Variants in ALCAM observed in about 807,000 individuals in gnomAD.
ALCAM encodes the protein CD166 antigen.
A neutral mutation model predicts 70.9 loss-of-function variants in ALCAM; 30 were observed. The ratio of observed to expected loss-of-function variants is 0.42; its 90% CI spans 0.32 to 0.57. ALCAM has a LOEUF of 0.57. ALCAM is among the 20% of genes least tolerant of loss of function. The pLI, the probability that ALCAM is intolerant of heterozygous loss-of-function variation, is 0.11. For missense variants in ALCAM, 591 were observed against 695.1 expected, an observed-to-expected ratio of 0.85 and a Z score of 1.68; for synonymous variants, 249 against 242.5, an observed-to-expected ratio of 1.03 and a Z score of -0.25.
intron 1 of ALCAM, among the ~76,000 whole-genome samples, chr3:105,447,281 T>TA (rs928051606): frequency 2.4e-4 from 37 of 151,546 alleles, no homozygotes; most frequent in East Asian, 5.8e-4. Flanking sequence ...TCCTAAATAC[T>TA]AAAAAAAAAT....
chr3:105,374,260 G>A (rs7611954), intron 1 of ALCAM, among the ~76,000 whole-genome samples: 106 of 152,170 alleles, frequency 7.0e-4, no homozygotes, highest in African/African-American at 2.4e-3. Context: ...CTCATTATAA[G>A]AACCTAATTC....
At chr3:105,453,392 G>A (rs572123817) in intron 1 of ALCAM, among the ~76,000 whole-genome samples, 8 of 152,154 alleles carry the variant, frequency 5.3e-5, no homozygotes. Context: ...TAGATGTGTG[G>A]TGTTATTTCT....
intron 1 of ALCAM, among the ~76,000 whole-genome samples, chr3:105,467,296 T>C (rs938141411): frequency 6.6e-6 from 1 of 151,224 alleles, no homozygotes; most frequent in African/African-American, 2.4e-5. Flanking sequence ...TCCTTCAGAA[T>C]GTCAGCCTAC....
intron 6 of ALCAM, among the ~76,000 whole-genome samples, chr3:105,535,975 T>C (rs1184988517): frequency 1.3e-5 from 2 of 152,096 alleles, no homozygotes; most frequent in African/African-American, 4.8e-5. Context: ...AAAAGGTAGT[T>C]TTGCCTTAAA....
chr3:105,435,285 T>A (rs551241220), intron 1 of ALCAM, among the ~76,000 whole-genome samples: 1 of 152,318 alleles, frequency 6.6e-6, no homozygotes, highest in African/African-American at 2.4e-5. Context: ...TGACAAGTCA[T>A]ACAACAAAAA....
intron 1 of ALCAM, among the ~76,000 whole-genome samples, chr3:105,433,498 C>G (rs1350227678): frequency 2.0e-5 from 3 of 152,146 alleles, no homozygotes; most frequent in African/African-American, 7.2e-5. Flanking sequence ...CACTCTCAAA[C>G]AAGCTGATAC....
intron 1 of ALCAM, among the ~76,000 whole-genome samples, chr3:105,477,852 A>G (rs1446645052): frequency 6.6e-6 from 1 of 151,482 alleles, no homozygotes; most frequent in Non-Finnish European, 1.5e-5. Context: ...TCTGCTATTA[A>G]GTTCAAATAT....
chr3:105,471,521 C>T (rs1241186286), intron 1 of ALCAM, among the ~76,000 whole-genome samples: 2 of 151,102 alleles, frequency 1.3e-5, no homozygotes, highest in Non-Finnish European at 3.0e-5. Context: ...TCTGGGGTGA[C>T]GTCTGTTATG....
At chr3:105,450,528 T>C (rs1349414459) in intron 1 of ALCAM, among the ~76,000 whole-genome samples, 1 of 152,160 alleles carries the variant, frequency 6.6e-6, no homozygotes, top group Non-Finnish European at 1.5e-5. Context: ...AAAATACATA[T>C]CAAACCATAA....
At chr3:105,539,465 A>G (rs1576229987) in intron 6 of ALCAM, among the ~76,000 whole-genome samples, 1 of 152,126 alleles carries the variant, frequency 6.6e-6, no homozygotes, top group Non-Finnish European at 1.5e-5. Flanking sequence ...ATCTTTTTTT[A>G]AGCAGATCTT....
Position 105,552,572 on chromosome 3 carries a change from A to G in ALCAM, c.1651A>G (p.Met551Val), listed in dbSNP as rs748982984. 1.9e-6 allele frequency: 3 copies of G among 1,611,428 alleles called. No individual in the cohort carries two copies. The highest frequency in any genetic ancestry group is 2.5e-6 in the Non-Finnish European group (3 of 1,178,132). ...LVAGVVYWLY[M>V]KKSKTASKHV... is the part of the protein sequence containing the mutation. ...TGCTGGTGTCGTCTACTGGCTGTAC[A>G]TGAAGAAGTCAAAGTGAGTTGTGGA... The change falls in exon 14 of 16, where the codon ATG (methionine) becomes GTG (valine). Residue 551 changes from methionine (M) to valine (V), a missense_variant. Transcript: ENST00000306107.
At chr3:105,492,127 A>G (rs1303698584) in intron 1 of ALCAM, among the ~76,000 whole-genome samples, 1 of 152,174 alleles carries the variant, frequency 6.6e-6, no homozygotes, top group Non-Finnish European at 1.5e-5. Flanking sequence ...CCTTCTTCAC[A>G]TGGTGGCAGC....
chr3:105,390,834 C>T (rs1291779318), intron 1 of ALCAM, among the ~76,000 whole-genome samples: 2 of 152,070 alleles, frequency 1.3e-5, no homozygotes, highest in Non-Finnish European at 2.9e-5. Context: ...TTTCCCAGCA[C>T]CATTTATTAA....
At chr3:105,541,839 A>G in intron 8 of ALCAM, 74 bp downstream of exon 8, 3 of 1,533,904 alleles carry the variant, frequency 2.0e-6, no homozygotes, top group Non-Finnish European at 2.7e-6. Context: ...ATCTTTTCAA[A>G]TAAACTGCAC....
rs79216985 is a variant in ALCAM at position 105,424,987 on chromosome 3, T to C, written c.73+57506T>C. On this transcript the variant is annotated intron_variant, in intron 1 of 15. Transcript: ENST00000306107. ...AGTGGTAGAACTAGAACTTGAACTC[T>C]GGGGTGTTTTGCATGAAGGTCCTTA... Among the ~76,000 whole-genome samples the C allele has an allele frequency of 5.7e-3, 866 of 151,790 alleles. 6 individuals are homozygous for C. The highest frequency in any genetic ancestry group is 8.8e-3 in the Non-Finnish European group (598 of 67,776).
intron 14 of ALCAM, among the ~76,000 whole-genome samples, chr3:105,557,506 C>G (rs1940544692): frequency 6.6e-6 from 1 of 151,930 alleles, no homozygotes; most frequent in Non-Finnish European, 1.5e-5. Flanking sequence ...TCAAAATCCC[C>G]TCTCTATATA....
chr3:105,425,210 A>C (rs557316674), intron 1 of ALCAM, among the ~76,000 whole-genome samples: 58 of 151,928 alleles, frequency 3.8e-4, no homozygotes, highest in Middle Eastern at 3.4e-3. Flanking sequence ...TTCTTTTAGC[A>C]TAAGTGTGAG....
rs931966175 is a variant in ALCAM at position 105,524,168 on chromosome 3, T to C, written c.175-121T>C. 1.5e-5 allele frequency: 13 copies of C among 844,246 alleles called. No individual in the cohort carries two copies. The Admixed American group carries it at 3.8e-4, about 25-fold the overall frequency. 52.3% of individuals were successfully genotyped at this position (844,246 alleles called of 1,614,324 possible). On this transcript the variant is annotated intron_variant, in intron 2 of 15. Transcript: ENST00000306107. ...TTACGTGAGACTTGTATAAAAATTA[T>C]TCTTCGTAGACAAAAAATATAGATA...
At chr3:105,549,038 TAAAGTAAC>T (rs1940321900) in intron 11 of ALCAM, among the ~76,000 whole-genome samples, 1 of 151,404 alleles carries the variant, frequency 6.6e-6, no homozygotes, top group African/African-American at 2.4e-5. Context: ...TTGTAGAGTT[TAAAGTAAC>T]AAAAACAAAG....
Sources: allele counts gnomAD v4.1 joint callset (sites outside exome capture counted in the v4.1 genomes callset), GRCh38; gene constraint gnomAD v4.1.1; transcripts MANE v1.5; gene names NCBI Gene and HGNC (gene_info 2026-07-23, HGNC 2026-07-21).